SPATS2: variants seen among roughly 807,000 people sequenced by gnomAD.
The protein encoded by SPATS2 is spermatogenesis associated serine rich 2.
Under a neutral mutation model 63.7 loss-of-function variants are expected in SPATS2, and 38 were observed. The ratio of observed to expected loss-of-function variants is 0.60; its 90% CI spans 0.46 to 0.78. SPATS2 has a LOEUF of 0.78. SPATS2 is among the 30% of genes least tolerant of loss of function. SPATS2 has a pLI of 0.00. For missense variants in SPATS2, 588 were observed against 666.2 expected (o/e 0.88, Z 1.29); for synonymous variants, 207 against 232.9 (o/e 0.89, Z 1.01).
Position 49,526,003 on chromosome 12 carries a change from T to C in SPATS2, c.1386T>C (p.Asn462=), listed in dbSNP as rs1380942370. The C allele has an allele frequency of 1.9e-6, 3 of 1,614,256 alleles. No individual in the cohort carries two copies. Among genetic ancestry groups the C allele is most frequent in the South Asian group, 2.2e-5 (2 of 91,088 alleles). ...ATAGGCCACAAGGCCAAAAGTCCAA[T>C]GACCCCATGAACCAAGGGCGGCATG... The part of the protein sequence containing the change: ...QGYRPQGQKS[N]DPMNQGRHDS... The change falls in exon 14 of 14, where the codon AAT becomes AAC. Residue 462 remains asparagine, a synonymous_variant. Coordinates refer to ENST00000552918, the MANE Select transcript of SPATS2 (RefSeq NM_023071.4).
rs149950975 is a variant in SPATS2 at position 49,417,466 on chromosome 12, C to T, written c.-243-43304C>T. ...GAAGAGTCTTTGAACAGCATTAGGG[C>T]ACTGTCTGTAGAACTACTCTACTGC... On this transcript the variant is annotated intron_variant, in intron 2 of 13. Coordinates refer to ENST00000552918, the MANE Select transcript of SPATS2 (RefSeq NM_023071.4). 2.0e-5 allele frequency among the ~76,000 whole-genome samples: 3 copies of T among 152,310 alleles called. No individual in the cohort carries two copies. In the East Asian group the frequency reaches 5.8e-4, roughly 29 times the overall value.
At chr12:49,520,745 G>C (rs1480622843) in intron 11 of SPATS2, among the ~76,000 whole-genome samples, 1 of 146,964 alleles carries the variant, frequency 6.8e-6, no homozygotes, top group East Asian at 2.0e-4. Context: ...TTTTTTTTGA[G>C]TCTCGCTCTG....
chr12:49,393,912 A>T (rs1944462220), intron 2 of SPATS2, among the ~76,000 whole-genome samples: 1 of 152,020 alleles, frequency 6.6e-6, no homozygotes, highest in African/African-American at 2.4e-5. Flanking sequence ...GAACTCCTGG[A>T]CTCAAGTGAT....
At chr12:49,389,436 TC>T in intron 2 of SPATS2, 1 of 636,804 alleles carries the variant, frequency 1.6e-6, no homozygotes, top group South Asian at 1.9e-5. Flanking sequence ...GGTGCATAGG[TC>T]CCGGTTGGTA....
chr12:49,373,584 G>A (rs762419779), intron 2 of SPATS2, among the ~76,000 whole-genome samples: 1 of 149,592 alleles, frequency 6.7e-6, no homozygotes, highest in African/African-American at 2.5e-5. Flanking sequence ...TTCAGACCAG[G>A]AGTTTGAGAC....
At chr12:49,389,393 A>C in intron 2 of SPATS2, 1 of 561,686 alleles carries the variant, frequency 1.8e-6, no homozygotes, top group South Asian at 2.2e-5. Flanking sequence ...CTAACTGAGG[A>C]GGCAGATTAG....
chr12:49,526,281 T>C lies in SPATS2; in HGVS notation c.*26T>C, dbSNP rs1458897112. ...GAGAAAATCCAGTTGGCCTCTCTCC[T>C]CTATCCACACAATTCAACTTGATAA... On this transcript the variant is annotated 3_prime_UTR_variant, in exon 14 of 14. Coordinates refer to ENST00000552918, the MANE Select transcript of SPATS2 (RefSeq NM_023071.4). The C allele has an allele frequency of 6.4e-7, 1 of 1,570,086 alleles. No homozygotes were observed. Among genetic ancestry groups the C allele is most frequent in the Non-Finnish European group, 8.6e-7 (1 of 1,160,376 alleles).
At chr12:49,507,474 A>G (rs1946673041) in intron 9 of SPATS2, among the ~76,000 whole-genome samples, 1 of 152,182 alleles carries the variant, frequency 6.6e-6, no homozygotes. Flanking sequence ...TAATGAGAGC[A>G]TTTGATGGAG....
intron 2 of SPATS2, among the ~76,000 whole-genome samples, chr12:49,429,930 G>A (rs1216327178): frequency 1.4e-5 from 2 of 144,872 alleles, no homozygotes; most frequent in Non-Finnish European, 3.0e-5. Flanking sequence ...ACAGGGACGC[G>A]CCATCACGCC....
At chr12:49,400,444 T>C (rs1440188139) in intron 2 of SPATS2, among the ~76,000 whole-genome samples, 9 of 151,790 alleles carry the variant, frequency 5.9e-5, no homozygotes, top group Non-Finnish European at 1.2e-4. Context: ...TAACTGAGAG[T>C]ATGTTTCTAC....
At chr12:49,496,624 G>A (rs1355860971) in intron 7 of SPATS2, among the ~76,000 whole-genome samples, 3 of 152,098 alleles carry the variant, frequency 2.0e-5, no homozygotes, top group East Asian at 1.9e-4. Context: ...TCTTCATTCC[G>A]GACGCCACTT....
At chr12:49,367,360 T>G (rs2137114321), upstream of SPATS2, 1 of 389,806 alleles carries the variant, frequency 2.6e-6, no homozygotes, top group Non-Finnish European at 4.5e-6. Flanking sequence ...ATCTGCTGGA[T>G]CTCCGGCAGC....
chr12:49,463,725 T>C (rs1426694223), intron 3 of SPATS2: 1 of 152,242 alleles, frequency 6.6e-6, no homozygotes, highest in Non-Finnish European at 1.5e-5. Flanking sequence ...AAGAAGGGTC[T>C]ATGGTAGTCA....
intron 2 of SPATS2, among the ~76,000 whole-genome samples, chr12:49,460,524 A>G (rs536446811): frequency 1.3e-5 from 2 of 152,180 alleles, no homozygotes; most frequent in African/African-American, 4.8e-5. Context: ...AGAGATGGGG[A>G]TATTTCAGAT....
At chr12:49,389,692 A>G (rs1944385962) in intron 2 of SPATS2, 2 of 1,539,826 alleles carry the variant, frequency 1.3e-6, no homozygotes, top group African/African-American at 2.7e-5. Flanking sequence ...TCGCAAGAAC[A>G]TCGGCCACGG....
intron 4 of SPATS2, 119 bp from the exon 5 acceptor site, chr12:49,489,346 A>G: frequency 3.0e-6 from 2 of 657,646 alleles, no homozygotes; most frequent in Non-Finnish European, 5.1e-6. Flanking sequence ...CACTGACACT[A>G]AAGAGTGATA....
At chr12:49,520,414 G>T (rs574822942) in intron 11 of SPATS2, among the ~76,000 whole-genome samples, 28 of 152,140 alleles carry the variant, frequency 1.8e-4, no homozygotes, top group African/African-American at 6.3e-4. Flanking sequence ...CACCGCGCCC[G>T]GCCCAGTTAC....
chr12:49,469,140 G>A (rs920584550), intron 3 of SPATS2, among the ~76,000 whole-genome samples: 5 of 151,896 alleles, frequency 3.3e-5, no homozygotes, highest in Non-Finnish European at 2.9e-5. Context: ...GTTCACGCCT[G>A]CCATCCCAGC....
chr12:49,389,902 C>T, intron 2 of SPATS2: 1 of 814,550 alleles, frequency 1.2e-6, no homozygotes, highest in Non-Finnish European at 2.2e-6. Context: ...TTAACAAAAG[C>T]AGCACTCCAA....
Sources: allele counts gnomAD v4.1 joint callset (sites outside exome capture counted in the v4.1 genomes callset), GRCh38; gene constraint gnomAD v4.1.1; transcripts MANE v1.5; gene names NCBI Gene and HGNC (gene_info 2026-07-23, HGNC 2026-07-21).